Variants in PLEKHA5 observed in about 807,000 individuals in gnomAD.
PLEKHA5 encodes the protein pleckstrin homology domain-containing family A member 5.
PLEKHA5 carries 55 observed loss-of-function variants against 181.9 expected under a neutral mutation model. The observed-to-expected ratio is 0.30, with a 90% confidence interval of 0.24 to 0.38. The LOEUF (loss-of-function observed/expected upper bound fraction) is 0.38. Among genes scored for constraint, PLEKHA5 ranks in the 10% least tolerant of loss-of-function variants. The pLI, the probability that PLEKHA5 is intolerant of heterozygous loss-of-function variation, is 1.00. For synonymous variants in PLEKHA5, 535 were observed against 529.4 expected (o/e 1.01, Z -0.15); for missense variants, 1,432 against 1,549.5 (o/e 0.92, Z 1.27).
At chr12:19,324,561 T>G (rs1033387382) in intron 20 of PLEKHA5, among the ~76,000 whole-genome samples, 1 of 152,110 alleles carries the variant, frequency 6.6e-6, no homozygotes. Flanking sequence ...TAGATCTACA[T>G]GGATTTCTGT....
At chr12:19,131,383 C>G (rs1258680437) in intron 2 of PLEKHA5, among the ~76,000 whole-genome samples, 3 of 152,204 alleles carry the variant, frequency 2.0e-5, no homozygotes, top group Non-Finnish European at 4.4e-5. Flanking sequence ...GATGAGCTTA[C>G]ATTTTTAAGG....
At chr12:19,358,498 C>A in intron 27 of PLEKHA5, 61 bp downstream of exon 27, 1 of 1,118,326 alleles carries the variant, frequency 8.9e-7, no homozygotes, top group Non-Finnish European at 1.3e-6. Flanking sequence ...ATTTTGGAAT[C>A]AGAGTTACAT....
intron 7 of PLEKHA5, among the ~76,000 whole-genome samples, chr12:19,265,183 T>C (rs565135960): frequency 1.3e-5 from 2 of 152,330 alleles, no homozygotes; most frequent in African/African-American, 2.4e-5. Context: ...ACAAATTCTT[T>C]TGAGCATCTA....
In PLEKHA5 at chr12:19,369,751, G is replaced by A. The variant is rs931661691; in HGVS notation, c.3813G>A (p.Pro1271=). ...CATCGCCAGTTCCATCCACTCAGCC[G>A]CAGCTCACAGAAGGATCACATTTCA... The part of the protein sequence containing the change: ...SSASPVPSTQ[P]QLTEGSHFMC... The change falls in exon 31 of 32, where the codon CCG becomes CCA. Residue 1271 remains proline, a synonymous_variant. Transcript: ENST00000429027. 1.2e-5 allele frequency: 19 copies of A among 1,612,292 alleles called. No homozygotes were observed. Among genetic ancestry groups the A allele is most frequent in the Non-Finnish European group, 1.4e-5 (16 of 1,178,824 alleles).
intron 30 of PLEKHA5, among the ~76,000 whole-genome samples, chr12:19,367,802 G>T (rs2095472956): frequency 6.6e-6 from 1 of 150,612 alleles, no homozygotes; most frequent in South Asian, 2.1e-4. Flanking sequence ...TAGCCAGGTT[G>T]GTCTCAATCT....
chr12:19,190,105 C>A (rs893333467), intron 3 of PLEKHA5, among the ~76,000 whole-genome samples: 3 of 152,160 alleles, frequency 2.0e-5, no homozygotes, highest in Non-Finnish European at 2.9e-5. Context: ...TGAACTCTTA[C>A]TCTTAGTGTC....
chr12:19,168,699 TAAGA>T (rs568466379), intron 3 of PLEKHA5, among the ~76,000 whole-genome samples: 183 of 152,306 alleles, frequency 1.2e-3, no homozygotes, highest in Non-Finnish European at 2.4e-3. Context: ...ATAACAGCAA[TAAGA>T]AAGGGCTCTT....
chr12:19,220,502 G>A (rs970262210), intron 3 of PLEKHA5, among the ~76,000 whole-genome samples: 1 of 152,120 alleles, frequency 6.6e-6, no homozygotes, highest in Non-Finnish European at 1.5e-5. Flanking sequence ...AACTTTAGAT[G>A]TTTTATAAAG....
At chr12:19,354,024 T>A in intron 26 of PLEKHA5, 22 bp downstream of exon 26, 1 of 1,147,940 alleles carries the variant, frequency 8.7e-7, no homozygotes, top group Non-Finnish European at 1.3e-6. Flanking sequence ...GAAATTAATC[T>A]TCTAGGAAGA....
intron 3 of PLEKHA5, among the ~76,000 whole-genome samples, chr12:19,175,949 T>C (rs978754998): frequency 1.3e-5 from 2 of 152,146 alleles, no homozygotes; most frequent in Admixed American, 6.5e-5. Context: ...TCAGTATTCA[T>C]TCAGGAAGAT....
At chr12:19,163,460 TCACACCC>T (rs937659253) in intron 3 of PLEKHA5, among the ~76,000 whole-genome samples, 3 of 152,028 alleles carry the variant, frequency 2.0e-5, no homozygotes, top group Non-Finnish European at 4.4e-5. Context: ...TATGGGTGGC[TCACACCC>T]ACCGCGCCCA....
intron 3 of PLEKHA5, among the ~76,000 whole-genome samples, chr12:19,203,585 C>T (rs1450709696): frequency 2.6e-5 from 4 of 151,952 alleles, no homozygotes; most frequent in Admixed American, 2.0e-4. Context: ...GAAAGTTCAC[C>T]CCTCTCACAA....
chr12:19,205,189 G>A (rs1056060129), intron 3 of PLEKHA5: 3 of 155,880 alleles, frequency 1.9e-5, no homozygotes, highest in African/African-American at 7.2e-5. Flanking sequence ...AGCTTTCTCA[G>A]TTTATTTGCA....
chr12:19,334,862 A>ATATATATATATATATC (rs1565630250), intron 20 of PLEKHA5, among the ~76,000 whole-genome samples: 7 of 62,682 alleles, frequency 1.1e-4, no homozygotes, highest in African/African-American at 3.3e-4. Flanking sequence ...ATATATATAT[A>ATATATATATATATATC]TATATATCTC....
Position 19,369,755 on chromosome 12 carries a change from C to T in PLEKHA5, c.3817C>T (p.Leu1273Phe), listed in dbSNP as rs746634519. 8 of 1,612,808 alleles carry T rather than the reference C, an allele frequency of 5.0e-6. No homozygotes were observed. In the Admixed American group the frequency reaches 1.2e-4, roughly 24 times the overall value. The change falls in exon 31 of 32, where the codon CTC becomes TTC. Residue 1273 changes from leucine to phenylalanine, a missense_variant. Leu to Phe is a conservative substitution (Grantham distance 22). Around this residue, in one of 2 missense-constraint regions of PLEKHA5, gnomAD observed 1,143 missense variants for 1,168.4 expected, o/e 0.98. Transcript: ENST00000429027. ...GCCAGTTCCATCCACTCAGCCGCAG[C>T]TCACAGAAGGATCACATTTCATGTG... The part of the protein sequence containing the change: ...ASPVPSTQPQ[L>F]TEGSHFMCV
intron 3 of PLEKHA5, among the ~76,000 whole-genome samples, chr12:19,147,818 CT>C (rs777772384): frequency 3.5e-4 from 54 of 152,234 alleles, no homozygotes; most frequent in Non-Finnish European, 6.6e-4. Flanking sequence ...CTCACCTCAG[CT>C]TTGAATTCCT....
intron 3 of PLEKHA5, among the ~76,000 whole-genome samples, chr12:19,139,603 A>T (rs930017936): frequency 2.0e-5 from 3 of 152,220 alleles, no homozygotes; most frequent in Non-Finnish European, 4.4e-5. Flanking sequence ...TAAGAACTTT[A>T]TAGTTGAATT....
chr12:19,159,487 T>C (rs1455969960), intron 3 of PLEKHA5, among the ~76,000 whole-genome samples: 2 of 152,164 alleles, frequency 1.3e-5, no homozygotes, highest in Non-Finnish European at 2.9e-5. Context: ...CTCAGATGAT[T>C]GCTATAACAT....
intron 3 of PLEKHA5, among the ~76,000 whole-genome samples, chr12:19,138,630 G>C (rs1306212166): frequency 2.0e-5 from 3 of 151,878 alleles, no homozygotes; most frequent in Non-Finnish European, 4.4e-5. Flanking sequence ...AGGAGGAAGA[G>C]GCAGCCTAGG....
Sources: allele counts gnomAD v4.1 joint callset (sites outside exome capture counted in the v4.1 genomes callset), GRCh38; gene constraint gnomAD v4.1.1; regional missense constraint gnomAD v4.1.1; transcripts MANE v1.5; gene names NCBI Gene and HGNC (gene_info 2026-07-23, HGNC 2026-07-21).